The following DISC1 variants were observed in gnomAD, a reference collection of about 807,000 sequenced individuals.
DISC1 encodes DISC1 scaffold protein, also known as disrupted in schizophrenia 1 protein.
In DISC1, 57 loss-of-function variants were observed where a neutral mutation model predicts 84.5. That is an observed-to-expected ratio of 0.67 (90% confidence interval 0.55 to 0.84). The LOEUF is 0.84. DISC1 is among the 40% of genes least tolerant of loss of function. The probability of loss-of-function intolerance (pLI) is 0.00; values close to 1 mark genes in which losing one functional copy is unlikely to be tolerated. For synonymous variants in DISC1, 411 were observed against 415.2 expected (o/e 0.99, Z 0.12); for missense variants, 1,000 against 1,057.8 (o/e 0.95, Z 0.76).
chr1:231,837,306 GA>G (rs776445611), intron 9 of DISC1, among the ~76,000 whole-genome samples: 7 of 152,184 alleles, frequency 4.6e-5, no homozygotes, highest in Non-Finnish European at 1.0e-4. Flanking sequence ...CTGTCACCGT[GA>G]AATGTGTTAA....
At position 231,902,493 on chromosome 1, in the gene DISC1, C is replaced by T. The variant is rs376518000; in HGVS notation, c.1982-56335C>T. On this transcript the variant is annotated intron_variant, in intron 9 of 12. Coordinates refer to ENST00000439617, the MANE Select transcript of DISC1 (RefSeq NM_018662.3). ...GTGCATGCTTGTAGTTCCAGCTACT[C>T]GGGAGGCTGAGGCAGGAGAATCACT... 7.3e-4 allele frequency among the ~76,000 whole-genome samples: 111 copies of T among 151,704 alleles called. 3 individuals carry two copies. The East Asian group carries it at 0.019, about 25-fold the overall frequency.
intron 4 of DISC1, among the ~76,000 whole-genome samples, chr1:231,757,838 A>G (rs1037668855): frequency 3.3e-5 from 5 of 151,994 alleles, no homozygotes; most frequent in African/African-American, 9.7e-5. Context: ...TCCTTAGACA[A>G]TGCTGCAGCG....
intron 12 of DISC1, among the ~76,000 whole-genome samples, chr1:232,033,706 G>A (rs892704499): frequency 6.6e-6 from 1 of 152,194 alleles, no homozygotes; most frequent in Non-Finnish European, 1.5e-5. Context: ...GTGAAAGAAA[G>A]AAAGAGGATC....
At chr1:232,034,943 C>G (rs1172879904) in intron 12 of DISC1, among the ~76,000 whole-genome samples, 1 of 152,048 alleles carries the variant, frequency 6.6e-6, no homozygotes, top group East Asian at 1.9e-4. Context: ...CTTTCCTCCC[C>G]TGATCACCCT....
chr1:231,967,867 A>T (rs1241143238), intron 10 of DISC1, among the ~76,000 whole-genome samples: 1 of 152,246 alleles, frequency 6.6e-6, no homozygotes, highest in Non-Finnish European at 1.5e-5. Flanking sequence ...GAAAAACTGC[A>T]TAAAATATAA....
intron 3 of DISC1, among the ~76,000 whole-genome samples, chr1:231,720,440 G>A (rs2069497983): frequency 6.6e-6 from 1 of 152,052 alleles, no homozygotes; most frequent in Admixed American, 6.5e-5. Context: ...CTGGGCTTAG[G>A]CGATCCTCCT....
At position 231,826,817 on chromosome 1, in the gene DISC1, T is replaced by A. The variant is rs2125799366; in HGVS notation, c.1981+8300T>A. On this transcript the variant is annotated intron_variant, in intron 9 of 12. Coordinates refer to ENST00000439617, the MANE Select transcript of DISC1 (RefSeq NM_018662.3). The surrounding 1 kb of genome is among the most constrained non-coding windows in gnomAD (Gnocchi z 4.2). Reference sequence around the variant, plus strand: ...GTATTCCTATAAGTAAATGCATTGGTTATTAGATTGATACATTACTCAGTT... The same window carrying A: ...GTATTCCTATAAGTAAATGCATTGGATATTAGATTGATACATTACTCAGTT... Among the ~76,000 whole-genome samples, 1 of 152,302 alleles carries A rather than the reference T, an allele frequency of 6.6e-6. No individual in the cohort carries two copies. The highest frequency in any genetic ancestry group is 1.9e-4 in the East Asian group (1 of 5,186).
At position 231,675,322 on chromosome 1, in the gene DISC1, C is replaced by T. The variant is rs2063034584; in HGVS notation, c.68-18504C>T. Among the ~76,000 whole-genome samples, 1 of 152,020 alleles carries T rather than the reference C, an allele frequency of 6.6e-6. No individual in the cohort carries two copies. Among genetic ancestry groups the T allele is most frequent in the African/African-American group, 2.4e-5 (1 of 41,398 alleles). On this transcript the variant is annotated intron_variant, in intron 1 of 12. Transcript: ENST00000439617. The surrounding 1 kb of genome is among the most constrained non-coding windows in gnomAD (Gnocchi z 4.1). ...CTGGGTCCTGGGGTCTCTCTCCCTG[C>T]CTCTTCCCCAGCCCTACCCTATTGC...
At chr1:232,020,689 C>T (rs1334091580) in intron 11 of DISC1, among the ~76,000 whole-genome samples, 1 of 152,162 alleles carries the variant, frequency 6.6e-6, no homozygotes, top group Non-Finnish European at 1.5e-5. Flanking sequence ...GCTTCCAAAG[C>T]TTTCACTGAG....
intron 3 of DISC1, among the ~76,000 whole-genome samples, chr1:231,714,738 G>A (rs1243473222): frequency 6.6e-6 from 1 of 151,998 alleles, no homozygotes; most frequent in Non-Finnish European, 1.5e-5. Flanking sequence ...GGGAGAGAGA[G>A]AGAGAGAGAG....
chr1:231,947,493 C>T (rs1222003500), intron 9 of DISC1, among the ~76,000 whole-genome samples: 1 of 152,142 alleles, frequency 6.6e-6, no homozygotes, highest in African/African-American at 2.4e-5. Context: ...AGACCTAGGA[C>T]CATAAAAATC....
intron 1 of DISC1, among the ~76,000 whole-genome samples, chr1:231,659,736 C>G (rs1370914812): frequency 5.3e-5 from 8 of 152,132 alleles, no homozygotes; most frequent in Admixed American, 5.2e-4. Context: ...ATTATTTACC[C>G]AAGAGTCATT....
intron 9 of DISC1, among the ~76,000 whole-genome samples, chr1:231,948,821 T>C (rs1428181579): frequency 6.6e-6 from 1 of 151,816 alleles, no homozygotes; most frequent in Non-Finnish European, 1.5e-5. Context: ...CTATTCTAGA[T>C]TGAAGCAGAT....
chr1:231,988,513 G>A (rs750142370), intron 10 of DISC1, among the ~76,000 whole-genome samples: 3 of 152,202 alleles, frequency 2.0e-5, no homozygotes, highest in African/African-American at 7.2e-5. Context: ...GAGCCCTCAC[G>A]AGTGCTGATT....
chr1:231,732,710 C>T (rs191452584), intron 3 of DISC1, among the ~76,000 whole-genome samples: 1 of 152,296 alleles, frequency 6.6e-6, no homozygotes, highest in African/African-American at 2.4e-5. Flanking sequence ...TTCTCTTTCT[C>T]CAGTAAGTGC....
At chr1:231,896,422 C>G (rs988459883) in intron 9 of DISC1, among the ~76,000 whole-genome samples, 1 of 152,178 alleles carries the variant, frequency 6.6e-6, no homozygotes, top group African/African-American at 2.4e-5. Flanking sequence ...TCAGGAGATA[C>G]AAATTATATG....
chr1:231,863,220 C>CTTTTTTTTTTT (rs533463099), intron 9 of DISC1, among the ~76,000 whole-genome samples: 2 of 54,770 alleles, frequency 3.7e-5, no homozygotes, highest in Non-Finnish European at 6.2e-5. Flanking sequence ...ATAAAATGTT[C>CTTTTTTTTTTT]TTTTTTTTTT....
chr1:232,013,173 G>T (rs968420825), intron 11 of DISC1, among the ~76,000 whole-genome samples: 1 of 152,142 alleles, frequency 6.6e-6, no homozygotes, highest in South Asian at 2.1e-4. Context: ...CCTGCGGGGT[G>T]CTTTCTGTTT....
At chr1:232,029,946 CA>C in intron 12 of DISC1, among the ~76,000 whole-genome samples, 1 of 152,278 alleles carries the variant, frequency 6.6e-6, no homozygotes, top group African/African-American at 2.4e-5. Context: ...TTGACCAATC[CA>C]AGGAGGGAGA....
Sources: gnomAD v4.1 joint callset for allele counts (sites outside exome capture counted in the v4.1 genomes callset) on GRCh38, gnomAD v4.1.1 for gene constraint, Gnocchi (gnomAD v3.1) non-coding constraint, MANE v1.5 for transcripts, NCBI Gene and HGNC (gene_info 2026-07-23, HGNC 2026-07-21) for gene names.